Variants in ARMC2 observed in about 807,000 individuals in gnomAD.
The protein encoded by ARMC2 is armadillo repeat containing 2, also known as armadillo repeat-containing protein 2.
ARMC2 carries 67 observed loss-of-function variants against 90.3 expected under a neutral mutation model. The observed-to-expected ratio is 0.74, with a 90% CI of 0.61 to 0.91. The LOEUF is 0.91. Among genes scored for constraint, ARMC2 ranks in the 40% least tolerant of loss-of-function variants. The pLI is 0.00. For missense variants in ARMC2, 920 were observed against 1,030.9 expected (o/e 0.89, Z 1.47); for synonymous variants, 393 against 393.0 (o/e 1.00, Z 0.00).
chr6:108,970,499 T>C (rs201039131), intron 17 of ARMC2, among the ~76,000 whole-genome samples: 21,825 of 139,504 alleles, frequency 0.16, 1,578 homozygotes, highest in South Asian at 0.22. Flanking sequence ...CTTTTCTTTT[T>C]TTTTTTTTTT....
the ARMC2 span, chr6:109,001,576 T>C: frequency 8.9e-7 from 1 of 1,128,542 alleles, no homozygotes. Flanking sequence ...CTAAGTATCA[T>C]TTAGAAGCAG....
chr6:108,855,858 T>A (rs1279597648), intron 2 of ARMC2, among the ~76,000 whole-genome samples: 1 of 152,212 alleles, frequency 6.6e-6, no homozygotes, highest in African/African-American at 2.4e-5. Context: ...TATGTCTTCT[T>A]TGGTCAGGTG....
chr6:108,864,721 T>A (rs1293193087), intron 3 of ARMC2, among the ~76,000 whole-genome samples: 1 of 152,136 alleles, frequency 6.6e-6, no homozygotes, highest in Non-Finnish European at 1.5e-5. Context: ...GGAGACCCTG[T>A]TGGGTGATCT....
chr6:108,924,450 G>A (rs920702913), intron 10 of ARMC2, among the ~76,000 whole-genome samples: 1 of 152,048 alleles, frequency 6.6e-6, no homozygotes, highest in African/African-American at 2.4e-5. Flanking sequence ...CCCAGGAGGC[G>A]GAGGTTGCAG....
chr6:109,037,333 T>C, the ARMC2 span, among the ~76,000 whole-genome samples: 1 of 152,236 alleles, frequency 6.6e-6, no homozygotes. Flanking sequence ...AGAAAAGAAG[T>C]ATGTTTTTAT....
intron 3 of ARMC2, among the ~76,000 whole-genome samples, chr6:108,863,719 C>T (rs1775517743): frequency 6.6e-6 from 1 of 152,132 alleles, no homozygotes; most frequent in African/African-American, 2.4e-5. Flanking sequence ...GATGTAAACC[C>T]CAAATGTTTT....
the ARMC2 span, among the ~76,000 whole-genome samples, chr6:108,985,258 TA>T: frequency 1.3e-5 from 2 of 151,846 alleles, no homozygotes; most frequent in Non-Finnish European, 2.9e-5. Context: ...TTTGGCCTAA[TA>T]AAAAATTTTC....
chr6:109,029,489 C>A, the ARMC2 span, among the ~76,000 whole-genome samples: 1 of 152,102 alleles, frequency 6.6e-6, no homozygotes, highest in Non-Finnish European at 1.5e-5. Context: ...TTCCTACAAC[C>A]TCTCCCTCCT....
chr6:108,918,330 C>A (rs1412007931), intron 10 of ARMC2, among the ~76,000 whole-genome samples: 3 of 151,992 alleles, frequency 2.0e-5, no homozygotes, highest in Non-Finnish European at 2.9e-5. Flanking sequence ...GAAGAGGGAT[C>A]CCACCACTTT....
chr6:108,875,852 T>C (rs1011043208), intron 4 of ARMC2, among the ~76,000 whole-genome samples: 2 of 152,154 alleles, frequency 1.3e-5, no homozygotes, highest in Non-Finnish European at 2.9e-5. Context: ...GAAGTACTTA[T>C]GTGGACTAGG....
At chr6:108,923,121 A>G (rs547062277) in intron 10 of ARMC2, 29 of 152,312 alleles carry the variant, frequency 1.9e-4, no homozygotes, top group African/African-American at 6.7e-4. Context: ...TGTGTTTTTC[A>G]GTGTGCTATT....
intron 10 of ARMC2, among the ~76,000 whole-genome samples, chr6:108,926,921 CTTT>C (rs34646224): frequency 8.0e-5 from 11 of 138,076 alleles, no homozygotes; most frequent in Non-Finnish European, 1.1e-4. Context: ...TTATTTGAAG[CTTT>C]TTTTTTTTTT....
At chr6:108,861,264 G>T (rs1775210387) in intron 3 of ARMC2, among the ~76,000 whole-genome samples, 1 of 152,206 alleles carries the variant, frequency 6.6e-6, no homozygotes, top group Non-Finnish European at 1.5e-5. Context: ...CTCTGTGTTT[G>T]TGTGTATGTG....
the ARMC2 span, among the ~76,000 whole-genome samples, chr6:109,044,713 CAAAAAAT>C: frequency 6.6e-6 from 1 of 151,936 alleles, no homozygotes; most frequent in African/African-American, 2.4e-5. Flanking sequence ...CATCTCGAAT[CAAAAAAT>C]AAAAAATAAA....
chr6:109,008,077 C>G, the ARMC2 span, among the ~76,000 whole-genome samples: 654 of 152,192 alleles, frequency 4.3e-3, 2 homozygotes, highest in Non-Finnish European at 7.5e-3. Context: ...ACAAAGCTTC[C>G]CGGTTTCCTC....
At chr6:109,040,370 TGAA>T in the ARMC2 span, among the ~76,000 whole-genome samples, 2 of 152,220 alleles carry the variant, frequency 1.3e-5, no homozygotes, top group African/African-American at 4.8e-5. Context: ...TTACTGGGGT[TGAA>T]GAAGGATTAA....
chr6:109,016,629 C>T, the ARMC2 span, among the ~76,000 whole-genome samples: 1 of 152,130 alleles, frequency 6.6e-6, no homozygotes, highest in Non-Finnish European at 1.5e-5. Flanking sequence ...ACTCTGTGGG[C>T]CATTTTCCCC....
intron 12 of ARMC2, among the ~76,000 whole-genome samples, chr6:108,941,184 T>C (rs1209394052): frequency 1.3e-5 from 2 of 152,202 alleles, no homozygotes; most frequent in East Asian, 1.9e-4. Context: ...GGGGCTCTGA[T>C]GAAATTTCTC....
At chr6:108,991,992 C>T in the ARMC2 span, among the ~76,000 whole-genome samples, 1 of 152,200 alleles carries the variant, frequency 6.6e-6, no homozygotes, top group Admixed American at 6.5e-5. Flanking sequence ...TTCTTCAAAT[C>T]CTAATGTCCC....
Sources: gnomAD v4.1 joint callset for allele counts (sites outside exome capture counted in the v4.1 genomes callset) on GRCh38, gnomAD v4.1.1 for gene constraint, MANE v1.5 for transcripts, NCBI Gene and HGNC (gene_info 2026-07-23, HGNC 2026-07-21) for gene names.